TMEM108: variants seen among roughly 807,000 people sequenced by gnomAD.
TMEM108 encodes transmembrane protein 108, also known as cancer/testis antigen 124.
In TMEM108, 12 loss-of-function variants were observed where a neutral mutation model predicts 35.1. The observed-to-expected ratio is 0.34, with a 90% CI of 0.22 to 0.55. The LOEUF is 0.55. TMEM108 is among the 20% of genes least tolerant of loss of function. The pLI is 0.89. For synonymous variants in TMEM108, 287 were observed against 308.6 expected, an observed-to-expected ratio of 0.93 and a Z score of 0.73; for missense variants, 680 against 753.3, an observed-to-expected ratio of 0.90 and a Z score of 1.14.
intron 2 of TMEM108, among the ~76,000 whole-genome samples, chr3:133,132,846 T>C (rs1944508973): frequency 1.3e-5 from 2 of 151,838 alleles, no homozygotes; most frequent in Non-Finnish European, 2.9e-5. Context: ...GGTCAAAATA[T>C]CAACATTAAC....
chr3:133,144,372 T>C (rs1033803637), intron 2 of TMEM108, among the ~76,000 whole-genome samples: 1 of 152,186 alleles, frequency 6.6e-6, no homozygotes, highest in Non-Finnish European at 1.5e-5. Context: ...CAGTCTATCA[T>C]TGAGGGGCAT....
chr3:133,150,218 T>C (rs1053301737), intron 2 of TMEM108, among the ~76,000 whole-genome samples: 1 of 152,174 alleles, frequency 6.6e-6, no homozygotes, highest in Non-Finnish European at 1.5e-5. Context: ...ATGGTTTTGA[T>C]TTGCATTTCT....
intron 2 of TMEM108, among the ~76,000 whole-genome samples, chr3:133,071,967 C>A (rs1042468481): frequency 1.3e-5 from 2 of 152,146 alleles, no homozygotes; most frequent in African/African-American, 4.8e-5. Flanking sequence ...ACATTTAGGT[C>A]TTTAATCCAT....
At chr3:133,073,484 T>TTCTCTCTCTCTCTCTCTCTCTCTCTC (rs371623398) in intron 2 of TMEM108, among the ~76,000 whole-genome samples, 9 of 55,628 alleles carry the variant, frequency 1.6e-4, no homozygotes, top group Admixed American at 4.7e-4. Context: ...TAGTATTCTA[T>TTCTCTCTCTCTCTCTCTCTCTCTCTC]TCTCTCTCTC....
chr3:133,144,835 T>G lies in TMEM108; in HGVS notation c.-46-84431T>G, dbSNP rs1207580615. 2.0e-5 allele frequency among the ~76,000 whole-genome samples: 3 copies of G among 152,226 alleles called. No homozygotes were observed. The East Asian group carries it at 5.8e-4, about 29-fold the overall frequency. ...GTTGTTTGTTTTTTTCCTGTAAATT[T>G]GTTTAAGTTCCTTGTAGATTCTGAA... On this transcript the variant is annotated intron_variant, in intron 2 of 5. Coordinates refer to ENST00000321871, the MANE Select transcript of TMEM108 (RefSeq NM_023943.4).
At chr3:133,149,876 T>C (rs1419371725) in intron 2 of TMEM108, among the ~76,000 whole-genome samples, 2 of 152,206 alleles carry the variant, frequency 1.3e-5, no homozygotes, top group African/African-American at 4.8e-5. Flanking sequence ...TGCTATTTTT[T>C]ACTCATTCAT....
chr3:133,379,730 TTCTC>T lies in TMEM108; in HGVS notation c.41-18_41-15del, dbSNP rs1392087347. The T allele has an allele frequency of 4.4e-6, 7 of 1,605,980 alleles. No individual in the cohort carries two copies. The South Asian group carries it at 5.6e-5, about 13-fold the overall frequency. ...TGCTGCTCCCCAAGTATTTTACCTC[TTCTC>T]TCTGTCTCCTTTTCAAGGTTTCCTG... On this transcript the variant is annotated intron_variant, in intron 3 of 5. Transcript: ENST00000321871.
intron 3 of TMEM108, among the ~76,000 whole-genome samples, chr3:133,293,795 T>G (rs1947105894): frequency 6.6e-6 from 1 of 152,138 alleles, no homozygotes; most frequent in South Asian, 2.1e-4. Context: ...AAGATTCCTC[T>G]TATCTCACAG....
chr3:133,210,195 A>C (rs756098598), intron 2 of TMEM108, among the ~76,000 whole-genome samples: 37 of 152,106 alleles, frequency 2.4e-4, no homozygotes, highest in Non-Finnish European at 4.9e-4. Flanking sequence ...TGGCTCTAGT[A>C]CTCTCTGAGG....
intron 2 of TMEM108, among the ~76,000 whole-genome samples, chr3:133,189,118 G>A (rs7630252): frequency 0.21 from 31,571 of 152,120 alleles, 3,733 homozygotes; most frequent in East Asian, 0.48. Context: ...ACATCATATT[G>A]ACTCTTCCTT....
intron 3 of TMEM108, among the ~76,000 whole-genome samples, chr3:133,254,625 A>G (rs1352710117): frequency 6.6e-6 from 1 of 152,228 alleles, no homozygotes; most frequent in Non-Finnish European, 1.5e-5. Flanking sequence ...AGGAGAAAAA[A>G]AAGAGATTGA....
intron 2 of TMEM108, among the ~76,000 whole-genome samples, chr3:133,135,478 C>T (rs980032597): frequency 9.9e-5 from 15 of 152,050 alleles, no homozygotes; most frequent in Admixed American, 5.9e-4. Flanking sequence ...AGCTTAGGCG[C>T]GGGTTGGTGC....
intron 3 of TMEM108, among the ~76,000 whole-genome samples, chr3:133,301,358 C>T (rs547445898): frequency 2.6e-5 from 4 of 152,150 alleles, no homozygotes; most frequent in South Asian, 2.1e-4. Context: ...TTGGTTGTCT[C>T]GACGCAGGAA....
intron 2 of TMEM108, among the ~76,000 whole-genome samples, chr3:133,136,751 G>T (rs76189829): frequency 0.021 from 3,161 of 152,278 alleles, 49 homozygotes; most frequent in South Asian, 0.065. Context: ...AAGGGAGCTG[G>T]TCAGGGAGTT....
At chr3:133,045,028 C>T (rs540789333) in intron 1 of TMEM108, among the ~76,000 whole-genome samples, 4 of 149,358 alleles carry the variant, frequency 2.7e-5, no homozygotes, top group East Asian at 4.0e-4. Context: ...AGTGCAGTGG[C>T]GTGATCTCAG....
chr3:133,353,304 G>A (rs1559921212), intron 3 of TMEM108, among the ~76,000 whole-genome samples: 1 of 152,172 alleles, frequency 6.6e-6, no homozygotes, highest in African/African-American at 2.4e-5. Flanking sequence ...TTGAAGCTAT[G>A]GAGTACAATC....
At position 133,144,655 on chromosome 3, in the gene TMEM108, G is replaced by A. The variant is rs568034585; in HGVS notation, c.-46-84611G>A. Among the ~76,000 whole-genome samples, 4 of 152,056 alleles carry A rather than the reference G, an allele frequency of 2.6e-5. 1 individual carries two copies. Among genetic ancestry groups the A allele is most frequent in the African/African-American group, 9.6e-5 (4 of 41,488 alleles). On this transcript the variant is annotated intron_variant, in intron 2 of 5. Coordinates refer to ENST00000321871, the MANE Select transcript of TMEM108 (RefSeq NM_023943.4). The stretch of plus-strand genomic sequence containing the variant: ...ATCTGTTGTTTCCTTTTTAATGATC[G>A]CCATTCTAACTGGTGTAAGATGGTA...
At chr3:133,382,080 G>T (rs1258547295) in intron 4 of TMEM108, among the ~76,000 whole-genome samples, 1 of 152,152 alleles carries the variant, frequency 6.6e-6, no homozygotes, top group Non-Finnish European at 1.5e-5. Flanking sequence ...ATGTACTTGA[G>T]CTTTGATTCT....
intron 2 of TMEM108, among the ~76,000 whole-genome samples, chr3:133,148,413 C>G (rs903045749): frequency 6.6e-6 from 1 of 152,112 alleles, no homozygotes; most frequent in Non-Finnish European, 1.5e-5. Context: ...GCCAGAGAGT[C>G]TGGTTTTGTT....
Sources: gnomAD v4.1 joint callset for allele counts (sites outside exome capture counted in the v4.1 genomes callset) on GRCh38, gnomAD v4.1.1 for gene constraint, MANE v1.5 for transcripts, NCBI Gene and HGNC (gene_info 2026-07-23, HGNC 2026-07-21) for gene names.